HOXB3: variants seen among roughly 807,000 people sequenced by gnomAD.
HOXB3 encodes homeobox B3.
In HOXB3, 17 loss-of-function variants were observed where a neutral mutation model predicts 29.2. That is an observed-to-expected ratio of 0.58 (90% CI 0.40 to 0.87). The LOEUF (loss-of-function observed/expected upper bound fraction) is 0.87, where lower values mean the gene tolerates loss of function less well. HOXB3 is among the 40% of genes least tolerant of loss of function. The pLI is 0.00. For missense variants in HOXB3, 637 were observed against 616.3 expected (o/e 1.03, Z -0.35); for synonymous variants, 317 against 285.9 (o/e 1.11, Z -1.10).
rs1366491990 is a variant in HOXB3 at position 48,556,153 on chromosome 17, T to TTC, written c.-246-536_-246-535insGA. ...AAGAAAAGAAGGAGGGTTTTTTTTT[T>TTC]TTCCTTAAAGAACAGGTAAAAATTT... On this transcript the variant is annotated intron_variant, in intron 2 of 4. Transcript: ENST00000498678. 3.3e-5 allele frequency among the ~76,000 whole-genome samples: 5 copies of TTC among 151,258 alleles called. 1 individual carries two copies. The highest frequency in any genetic ancestry group is 7.4e-5 in the Non-Finnish European group (5 of 67,724).
intron 2 of HOXB3, among the ~76,000 whole-genome samples, chr17:48,558,047 TA>T (rs199519994): frequency 6.7e-5 from 10 of 149,388 alleles, no homozygotes; most frequent in South Asian, 2.1e-4. Flanking sequence ...CTCCCCCAAA[TA>T]AAAAAAAAGC....
intron 2 of HOXB3, among the ~76,000 whole-genome samples, chr17:48,568,987 G>A (rs1225327824): frequency 1.3e-5 from 2 of 151,918 alleles, no homozygotes; most frequent in Non-Finnish European, 2.9e-5. Context: ...CCCAGCCCGC[G>A]GTGTGGCTCC....
chr17:48,550,595 G>C lies in HOXB3; in HGVS notation c.1035C>G (p.Thr345=). Residue 345 remains threonine, a synonymous_variant, in exon 5 of 5, where the codon ACC becomes ACG. Transcript: ENST00000498678. The part of the protein sequence containing the change: ...QANGGAYGTP[T]MQGSPVYVGG... ...CCACGTACACCGGACTGCCCTGCAT[G>C]GTGGGCGTCCCGTAGGCGCCCCCGT... 1 of 1,523,358 alleles carries C rather than the reference G, an allele frequency of 6.6e-7. No individual in the cohort carries two copies. The highest frequency in any genetic ancestry group is 1.3e-5 in the South Asian group (1 of 76,762). 94.4% of individuals were successfully genotyped at this position (1,523,358 alleles called of 1,614,324 possible). A position where few individuals can be genotyped will look rare whatever the true frequency, so the allele number is the denominator to read the frequency against.
intron 1 of HOXB3, chr17:48,581,420 G>A (rs2069933396): frequency 6.6e-6 from 1 of 152,250 alleles, no homozygotes; most frequent in Admixed American, 6.5e-5. Context: ...GGAGACTAGA[G>A]TCTGGCCCAG....
rs1168088614 is a variant in HOXB3, at chr17:48,563,380, C to T, written c.-246-7762G>A. Among the ~76,000 whole-genome samples, 4 of 152,212 alleles carry T rather than the reference C, an allele frequency of 2.6e-5. No homozygotes were observed. In the East Asian group the frequency reaches 5.8e-4, roughly 22 times the overall value. ...GGGTCTCTCTCCTGACTCCCAATCTCCCAGCTCACAAAGTGATTCTGCAAA... is the reference window on the plus strand; with the variant it reads ...GGGTCTCTCTCCTGACTCCCAATCTTCCAGCTCACAAAGTGATTCTGCAAA... On this transcript the variant is annotated intron_variant, in intron 2 of 4. Coordinates refer to ENST00000498678, the MANE Select transcript of HOXB3 (RefSeq NM_001384749.1).
chr17:48,573,307 C>T (rs2069647117), intron 2 of HOXB3, among the ~76,000 whole-genome samples: 1 of 152,178 alleles, frequency 6.6e-6, no homozygotes, highest in Non-Finnish European at 1.5e-5. Flanking sequence ...AAGAACATAT[C>T]CACTTATACC....
At chr17:48,551,598 T>C (rs1265822623) in intron 4 of HOXB3, among the ~76,000 whole-genome samples, 1 of 151,994 alleles carries the variant, frequency 6.6e-6, no homozygotes, top group Non-Finnish European at 1.5e-5. Flanking sequence ...ATCCTCGGGG[T>C]AATCTGGACA....
Position 48,574,063 on chromosome 17 carries a change from G to A in HOXB3, c.-424-49C>T, listed in dbSNP as rs529760435. On this transcript the variant is annotated intron_variant, in intron 1 of 4. Coordinates refer to ENST00000498678, the MANE Select transcript of HOXB3 (RefSeq NM_001384749.1). ...GAGGATACGTATTTAAAGAAAAGAA[G>A]TGATTAATGGTTTTCTGTATAATTC... 221 of 579,420 alleles carry A rather than the reference G, an allele frequency of 3.8e-4. 1 individual carries two copies. In the South Asian group the frequency reaches 4.6e-3, roughly 12 times the overall value. 35.9% of individuals were successfully genotyped at this position (579,420 alleles called of 1,614,324 possible). A position where few individuals can be genotyped will look rare whatever the true frequency, so the allele number is the denominator to read the frequency against.
At position 48,550,704 on chromosome 17, in the gene HOXB3, T is replaced by TG. The variant is rs1292268810; in HGVS notation, c.925dup (p.Gln309ProfsTer22). The TG allele has an allele frequency of 6.5e-7, 1 of 1,544,332 alleles. No homozygotes were observed. On this transcript the variant is annotated frameshift_variant, in exon 5 of 5. Coordinates refer to ENST00000498678, the MANE Select transcript of HOXB3 (RefSeq NM_001384749.1). LOFTEE classifies it high-confidence loss of function. ...GGCGCCGCAGCCTTTGAGAGGGGGC[T>TG]GGTAGTTGGAGGGCAGCGCGTAGGC... is the stretch of plus-strand genomic sequence containing the variant.
intron 2 of HOXB3, chr17:48,557,184 C>T (rs964180325): frequency 5.3e-5 from 8 of 152,356 alleles, no homozygotes; most frequent in African/African-American, 1.7e-4. Context: ...ACTGCTGACT[C>T]GGAGCTAGGG....
chr17:48,577,450 C>T (rs1019484762), intron 1 of HOXB3, among the ~76,000 whole-genome samples: 1 of 152,204 alleles, frequency 6.6e-6, no homozygotes, highest in Non-Finnish European at 1.5e-5. Flanking sequence ...GCTCACTTCT[C>T]CAGCCAAGGA....
intron 1 of HOXB3, chr17:48,576,770 T>C (rs1194508667): frequency 6.2e-7 from 1 of 1,613,448 alleles, no homozygotes; most frequent in Non-Finnish European, 8.5e-7. Flanking sequence ...GCCCTCCGGC[T>C]GAGCCTGCCG....
At position 48,573,849 on chromosome 17, in the gene HOXB3, C is replaced by G; in HGVS notation, c.-259G>C. On this transcript the variant is annotated 5_prime_UTR_variant, in exon 2 of 5. Transcript: ENST00000498678. ...CGGGCTTTGTTACCTTTGCGCCTCT[C>G]GCCTCCTCTCGCCCGAACTCTGCAG... 1 of 702,262 alleles carries G rather than the reference C, an allele frequency of 1.4e-6. No individual in the cohort carries two copies. The allele number at this position is 702,262 out of a possible 1,614,324, so 43.5% of individuals were successfully genotyped here.
At chr17:48,582,587 C>G (rs1210146064) in intron 1 of HOXB3, 1 of 152,234 alleles carries the variant, frequency 6.6e-6, no homozygotes, top group Non-Finnish European at 1.5e-5. Context: ...CGGTTCACCT[C>G]TCTCCCAGCC....
At position 48,550,235 on chromosome 17, in the gene HOXB3, C is replaced by T. The variant is rs760531631; in HGVS notation, c.*99G>A. ...TTCTGACCAGGAAGCCTGGGTACCA[C>T]CTTCTCTGGCTCCTCTTTTCAGACC... On this transcript the variant is annotated 3_prime_UTR_variant, in exon 5 of 5. Transcript: ENST00000498678. The T allele has an allele frequency of 1.3e-6, 2 of 1,520,548 alleles. No individual in the cohort carries two copies. The highest frequency in any genetic ancestry group is 8.9e-7 in the Non-Finnish European group (1 of 1,122,900). The allele number at this position is 1,520,548 out of a possible 1,614,324, so 94.2% of individuals were successfully genotyped here. A position where few individuals can be genotyped will look rare whatever the true frequency, so the allele number is the denominator to read the frequency against.
rs766938176 is a variant in HOXB3 at position 48,552,480 on chromosome 17, G to C, written c.-6C>G. ...TAGTAGGTGGCTTTCTGCATCGCTG[G>C]GTGAGGCCTGGGCAGTGGGTGGCAA... On this transcript the variant is annotated 5_prime_UTR_variant, in exon 4 of 5. Coordinates refer to ENST00000498678, the MANE Select transcript of HOXB3 (RefSeq NM_001384749.1). 1 of 1,560,244 alleles carries C rather than the reference G, an allele frequency of 6.4e-7. No homozygotes were observed. The highest frequency in any genetic ancestry group is 1.8e-5 in the Admixed American group (1 of 56,580).
chr17:48,587,028 C>T (rs1567967404), intron 1 of HOXB3, among the ~76,000 whole-genome samples: 1 of 152,012 alleles, frequency 6.6e-6, no homozygotes, highest in African/African-American at 2.4e-5. Flanking sequence ...ATCCCCCACC[C>T]CGCCAACCAT....
At chr17:48,566,074 C>G (rs1237393462) in intron 2 of HOXB3, among the ~76,000 whole-genome samples, 1 of 152,218 alleles carries the variant, frequency 6.6e-6, no homozygotes, top group Non-Finnish European at 1.5e-5. Flanking sequence ...GGGGAGAAGA[C>G]AGAGTCAGCA....
rs1284503284 is a variant in HOXB3 at position 48,552,799 on chromosome 17, A to G, written c.-158-167T>C. ...AAGCCCACCAGTTTTCATTTCCACT[A>G]AAAAATAAAAAAATAAATAAAGACT... On this transcript the variant is annotated intron_variant, in intron 3 of 4. Transcript: ENST00000498678. 2.2e-5 allele frequency: 7 copies of G among 312,458 alleles called. No individual in the cohort carries two copies. The East Asian group carries it at 3.9e-4, about 17-fold the overall frequency. 19.4% of individuals were successfully genotyped at this position (312,458 alleles called of 1,614,324 possible).
Sources: gnomAD v4.1 joint callset for allele counts (sites outside exome capture counted in the v4.1 genomes callset) on GRCh38, gnomAD v4.1.1 for gene constraint, MANE v1.5 for transcripts, NCBI Gene and HGNC (gene_info 2026-07-23, HGNC 2026-07-21) for gene names.